TMEM132C: variants seen among roughly 807,000 people sequenced by gnomAD.
TMEM132C encodes transmembrane protein 132C.
In TMEM132C, 29 loss-of-function variants were observed where a neutral mutation model predicts 61.4. The ratio of observed to expected loss-of-function variants is 0.47; its 90% confidence interval spans 0.35 to 0.64. The LOEUF is 0.64. Among genes scored for constraint, TMEM132C ranks in the 30% least tolerant of loss-of-function variants. TMEM132C has a pLI of 0.00. For missense variants in TMEM132C, 1,408 were observed against 1,476.9 expected (o/e 0.95, Z 0.76); for synonymous variants, 656 against 633.1 (o/e 1.04, Z -0.54).
chr12:128,527,249 A>G (rs1274595337), intron 2 of TMEM132C, among the ~76,000 whole-genome samples: 1 of 152,176 alleles, frequency 6.6e-6, no homozygotes, highest in African/African-American at 2.4e-5. Flanking sequence ...GGGCACTGGG[A>G]GTGGGGTCAA....
At chr12:128,458,479 G>T (rs1023987413) in intron 2 of TMEM132C, among the ~76,000 whole-genome samples, 1 of 151,832 alleles carries the variant, frequency 6.6e-6, no homozygotes, top group Non-Finnish European at 1.5e-5. Context: ...TAATCACTTC[G>T]TGGTGCTGGG....
chr12:128,697,684 A>G (rs1208851218), intron 8 of TMEM132C, among the ~76,000 whole-genome samples: 1 of 152,140 alleles, frequency 6.6e-6, no homozygotes, highest in Non-Finnish European at 1.5e-5. Flanking sequence ...AAGCACTTAA[A>G]ACCATAAATC....
chr12:128,594,477 G>A (rs1875876402), intron 3 of TMEM132C, among the ~76,000 whole-genome samples: 1 of 151,860 alleles, frequency 6.6e-6, no homozygotes, highest in African/African-American at 2.4e-5. Flanking sequence ...GGTGCTTGGT[G>A]GGTGTTTCTT....
intron 2 of TMEM132C, among the ~76,000 whole-genome samples, chr12:128,540,947 G>A (rs1285292899): frequency 7.0e-6 from 1 of 142,234 alleles, no homozygotes; most frequent in Non-Finnish European, 1.5e-5. Context: ...GTCTCTGTCT[G>A]TCTACTTCTC....
intron 2 of TMEM132C, among the ~76,000 whole-genome samples, chr12:128,428,521 G>T (rs1038487086): frequency 6.6e-5 from 10 of 152,076 alleles, no homozygotes; most frequent in African/African-American, 2.4e-4. Context: ...CATTTATTGT[G>T]GCCAGCAACT....
At chr12:128,516,726 A>G (rs966286859) in intron 2 of TMEM132C, among the ~76,000 whole-genome samples, 5 of 152,172 alleles carry the variant, frequency 3.3e-5, no homozygotes, top group Admixed American at 1.3e-4. Context: ...AGGCTGGACA[A>G]CATAGCAAGA....
chr12:128,650,870 T>C (rs1211739217), intron 4 of TMEM132C, among the ~76,000 whole-genome samples: 5 of 152,100 alleles, frequency 3.3e-5, no homozygotes, highest in African/African-American at 1.2e-4. Flanking sequence ...GCAAATGAGG[T>C]AAGGCTCAAA....
intron 4 of TMEM132C, among the ~76,000 whole-genome samples, chr12:128,641,072 C>A (rs772761151): frequency 6.6e-6 from 1 of 152,152 alleles, no homozygotes; most frequent in Non-Finnish European, 1.5e-5. Flanking sequence ...GGGAGGAGTG[C>A]AATAGCCCGT....
intron 2 of TMEM132C, among the ~76,000 whole-genome samples, chr12:128,423,665 T>A (rs562367499): frequency 5.3e-4 from 79 of 149,328 alleles, no homozygotes; most frequent in African/African-American, 1.9e-3. Flanking sequence ...AACCCAGGAG[T>A]TCAAGTCCAG....
At chr12:128,416,160 G>A (rs1034381740) in intron 2 of TMEM132C, among the ~76,000 whole-genome samples, 4 of 152,056 alleles carry the variant, frequency 2.6e-5, no homozygotes, top group African/African-American at 7.2e-5. Flanking sequence ...CAAACATGCC[G>A]GGCATAAAAC....
intron 2 of TMEM132C, among the ~76,000 whole-genome samples, chr12:128,533,954 C>T (rs1274593911): frequency 8.5e-6 from 1 of 118,164 alleles, no homozygotes; most frequent in Non-Finnish European, 1.7e-5. Context: ...CACATACACA[C>T]ACACACACAC....
At chr12:128,276,475 A>G (rs976423288) in intron 1 of TMEM132C, among the ~76,000 whole-genome samples, 3 of 152,332 alleles carry the variant, frequency 2.0e-5, no homozygotes, top group Middle Eastern at 3.4e-3. Context: ...TGACCACTTC[A>G]TGCTTAACTA....
At chr12:128,685,484 C>G (rs1954666220) in intron 5 of TMEM132C, among the ~76,000 whole-genome samples, 3 of 152,160 alleles carry the variant, frequency 2.0e-5, no homozygotes, top group Admixed American at 1.3e-4. Context: ...TTCTGGGGCC[C>G]ACACTGAGAG....
chr12:128,542,643 C>A (rs1174950481), intron 2 of TMEM132C, among the ~76,000 whole-genome samples: 1 of 151,902 alleles, frequency 6.6e-6, no homozygotes, highest in East Asian at 1.9e-4. Flanking sequence ...GGGTGGATCA[C>A]AAGGTCAGGA....
chr12:128,538,183 C>T (rs35019480), intron 2 of TMEM132C, among the ~76,000 whole-genome samples: 20,089 of 152,200 alleles, frequency 0.13, 1,542 homozygotes, highest in Middle Eastern at 0.17. Flanking sequence ...TGCAGTGGCA[C>T]AATCTCAGCT....
chr12:128,414,914 A>G lies in TMEM132C; in HGVS notation c.268A>G (p.Arg90Gly). 2 of 1,551,768 alleles carry G rather than the reference A, an allele frequency of 1.3e-6. No individual in the cohort carries two copies. The highest frequency in any genetic ancestry group is 2.4e-5 in the South Asian group (2 of 84,060). The change falls in exon 2 of 9, where the codon AGG becomes GGG. Residue 90 changes from arginine to glycine, a missense_variant. Physicochemically the swap from Arg to Gly is moderately radical, Grantham distance 125. Transcript: ENST00000435159. ...RVESFFTYKT[R>G]QPPVLNASYG... ...GGAGTCCTTCTTTACCTACAAAACC[A>G]GGCAGCCCCCAGTGCTCAATGCCAG...
chr12:128,485,295 G>GAC, intron 2 of TMEM132C, among the ~76,000 whole-genome samples: 1 of 152,266 alleles, frequency 6.6e-6, no homozygotes, highest in South Asian at 2.1e-4. Context: ...TCCTGCCTCA[G>GAC]CCTCCCGAGT....
intron 2 of TMEM132C, among the ~76,000 whole-genome samples, chr12:128,469,628 G>GTGTGTGTGTT (rs1241477318): frequency 0.014 from 2,003 of 144,144 alleles, 49 homozygotes; most frequent in African/African-American, 0.053. Flanking sequence ...TGTATGCTTT[G>GTGTGTGTGTT]TGTGTGTGTG....
At chr12:128,587,511 C>A (rs1033704729) in intron 3 of TMEM132C, among the ~76,000 whole-genome samples, 1 of 152,244 alleles carries the variant, frequency 6.6e-6, no homozygotes, top group Non-Finnish European at 1.5e-5. Flanking sequence ...ATTTCAGCAT[C>A]TGGATTTATC....
Sources: gnomAD v4.1 joint callset for allele counts (sites outside exome capture counted in the v4.1 genomes callset) on GRCh38, gnomAD v4.1.1 for gene constraint, MANE v1.5 for transcripts, NCBI Gene and HGNC (gene_info 2026-07-23, HGNC 2026-07-21) for gene names.